Variants in STXBP5L observed in about 807,000 individuals in gnomAD.
The protein encoded by STXBP5L is syntaxin-binding protein 5-like.
In STXBP5L, 65 loss-of-function variants were observed where a neutral mutation model predicts 144.5. That is an observed-to-expected ratio of 0.45 (90% CI 0.37 to 0.55). STXBP5L has a LOEUF of 0.55. Ranked by LOEUF, STXBP5L falls within the 20% of genes least tolerant of loss-of-function variation. STXBP5L has a pLI of 0.00. For synonymous variants in STXBP5L, 505 were observed against 469.6 expected (o/e 1.08, Z -0.97); for missense variants, 1,298 against 1,405.5 (o/e 0.92, Z 1.22).
chr3:121,382,517 A>T (rs2046344227), intron 22 of STXBP5L, among the ~76,000 whole-genome samples: 1 of 152,144 alleles, frequency 6.6e-6, no homozygotes, highest in African/African-American at 2.4e-5. Flanking sequence ...GAGTCAAATC[A>T]GTGATACCAT....
intron 9 of STXBP5L, among the ~76,000 whole-genome samples, chr3:121,185,479 G>T (rs2047338573): frequency 1.3e-5 from 2 of 152,288 alleles, no homozygotes; most frequent in East Asian, 1.9e-4. Flanking sequence ...TTTGTATAAG[G>T]TGTAAGTAAG....
In STXBP5L at chr3:121,407,744, G is replaced by A. The variant is rs1219720891; in HGVS notation, c.2948+141G>A. ...TCATTATGTTTCTGGATGTTTTATT[G>A]TTCAACGATTTGATGAGAGTTTGGG... On this transcript the variant is annotated intron_variant, in intron 23 of 26. Coordinates refer to ENST00000471454, the MANE Select transcript of STXBP5L (RefSeq NM_001308330.2). 2.4e-6 allele frequency: 3 copies of A among 1,225,066 alleles called. No homozygotes were observed. The African/African-American group carries it at 4.6e-5, about 19-fold the overall frequency. 75.9% of individuals were successfully genotyped at this position (1,225,066 alleles called of 1,614,324 possible).
rs558506354 is a variant in STXBP5L, at chr3:121,288,402, T to C, written c.2110+8446T>C. 4.1e-4 allele frequency among the ~76,000 whole-genome samples: 62 copies of C among 152,356 alleles called. 1 individual carries two copies. The highest frequency in any genetic ancestry group is 1.4e-3 in the African/African-American group (57 of 41,586). On this transcript the variant is annotated intron_variant, in intron 19 of 26. Transcript: ENST00000471454. Reference sequence around the variant, plus strand: ...GAGTGATAATTCTGTTTTAAGTTCTTTGAGAAATTGCCACACTGATTTCCA... The same window carrying C: ...GAGTGATAATTCTGTTTTAAGTTCTCTGAGAAATTGCCACACTGATTTCCA...
chr3:121,379,018 C>T, intron 21 of STXBP5L, 132 bp downstream of exon 21: 4 of 940,336 alleles, frequency 4.3e-6, no homozygotes, highest in South Asian at 1.8e-5. Context: ...TACCTGAGAG[C>T]CTGATGGGGC....
intron 10 of STXBP5L, among the ~76,000 whole-genome samples, chr3:121,212,405 G>A (rs2048610820): frequency 6.6e-6 from 1 of 152,126 alleles, no homozygotes; most frequent in South Asian, 2.1e-4. Context: ...GTATAAGGAA[G>A]GGGTCCAGTT....
chr3:121,063,513 A>G (rs777277824), intron 5 of STXBP5L, among the ~76,000 whole-genome samples: 3 of 152,178 alleles, frequency 2.0e-5, no homozygotes, highest in Non-Finnish European at 4.4e-5. Flanking sequence ...CCCTTAGCAG[A>G]GCTTGAGCAC....
At chr3:120,973,742 G>A (rs1396245640) in intron 3 of STXBP5L, among the ~76,000 whole-genome samples, 1 of 146,592 alleles carries the variant, frequency 6.8e-6, no homozygotes, top group African/African-American at 2.5e-5. Flanking sequence ...CCCTTCCTGT[G>A]TCCATGTGTT....
chr3:121,191,141 G>A (rs374134386), intron 9 of STXBP5L, among the ~76,000 whole-genome samples: 48 of 152,182 alleles, frequency 3.2e-4, no homozygotes, highest in African/African-American at 9.7e-4. Flanking sequence ...ACAGGGTGGC[G>A]GCCGGGCAGA....
intron 5 of STXBP5L, among the ~76,000 whole-genome samples, chr3:121,090,541 C>G (rs994970300): frequency 2.0e-5 from 3 of 152,128 alleles, no homozygotes; most frequent in Non-Finnish European, 2.9e-5. Flanking sequence ...TGCCAGAAAT[C>G]ATGGCTTTTG....
chr3:120,977,062 C>T (rs1389402653), intron 3 of STXBP5L, among the ~76,000 whole-genome samples: 1 of 152,018 alleles, frequency 6.6e-6, no homozygotes, highest in South Asian at 2.1e-4. Context: ...CTATTAGGTC[C>T]ACTTGGTGCA....
In STXBP5L at chr3:121,138,496, G is replaced by A. The variant is rs570479527; in HGVS notation, c.670-13981G>A. On this transcript the variant is annotated intron_variant, in intron 7 of 26. Transcript: ENST00000471454. The stretch of plus-strand genomic sequence containing the variant: ...CAAAGCCGAAGGCATCACATTACCT[G>A]ACTTCAAAGTATACCACAATGCTAT... 4.6e-5 allele frequency among the ~76,000 whole-genome samples: 7 copies of A among 152,198 alleles called. No individual in the cohort carries two copies. The East Asian group carries it at 1.2e-3, about 25-fold the overall frequency.
rs111829398 is a variant in STXBP5L at position 121,018,555 on chromosome 3, A to C, written c.288-23145A>C. Among the ~76,000 whole-genome samples the C allele has an allele frequency of 2.4e-3, 364 of 150,596 alleles. 2 individuals carry two copies. Among genetic ancestry groups the C allele is most frequent in the African/African-American group, 8.3e-3 (341 of 41,112 alleles). Reference sequence around the variant, plus strand: ...AAAAAAAAAAAAAAAATGCAGACACAGTCCTTACATCTTTCACAAAAATCA... The same window carrying C: ...AAAAAAAAAAAAAAAATGCAGACACCGTCCTTACATCTTTCACAAAAATCA... On this transcript the variant is annotated intron_variant, in intron 3 of 26. Coordinates refer to ENST00000471454, the MANE Select transcript of STXBP5L (RefSeq NM_001308330.2).
At chr3:121,261,820 G>C (rs1351433787) in intron 18 of STXBP5L, among the ~76,000 whole-genome samples, 1 of 152,156 alleles carries the variant, frequency 6.6e-6, no homozygotes, top group Non-Finnish European at 1.5e-5. Context: ...TAGAGACTTT[G>C]TCTTTGAGGA....
At chr3:121,226,386 G>A (rs552761827) in intron 11 of STXBP5L, among the ~76,000 whole-genome samples, 1 of 152,260 alleles carries the variant, frequency 6.6e-6, no homozygotes, top group Admixed American at 6.5e-5. Context: ...ATTGAGGAGA[G>A]CCCCATTAGA....
At position 121,282,327 on chromosome 3, in the gene STXBP5L, T is replaced by C. The variant is rs765992060; in HGVS notation, c.2110+2371T>C. The C allele has an allele frequency of 1.2e-5, 20 of 1,611,410 alleles. No individual in the cohort carries two copies. In the Middle Eastern group the frequency reaches 4.9e-4, roughly 40 times the overall value. On this transcript the variant is annotated intron_variant, in intron 19 of 26. Transcript: ENST00000471454. ...CTGATTTAACGAAACGGATCCGTAC[T>C]TCCTATCAGAGTAAGTTATATAAAG...
chr3:121,018,036 G>C (rs9833950), intron 3 of STXBP5L, among the ~76,000 whole-genome samples: 5 of 152,186 alleles, frequency 3.3e-5, no homozygotes, highest in Admixed American at 2.0e-4. Context: ...CCACGATCAC[G>C]CCACTGCACT....
intron 15 of STXBP5L, among the ~76,000 whole-genome samples, chr3:121,254,125 G>C (rs1484787940): frequency 1.3e-5 from 2 of 152,028 alleles, no homozygotes; most frequent in Admixed American, 1.3e-4. Flanking sequence ...GTCTGGTTTT[G>C]ACTAATGTTT....
At chr3:121,361,769 C>T (rs1187223766) in intron 20 of STXBP5L, among the ~76,000 whole-genome samples, 1 of 151,916 alleles carries the variant, frequency 6.6e-6, no homozygotes, top group Non-Finnish European at 1.5e-5. Flanking sequence ...GGTCACATAT[C>T]TCTCTTTCTC....
intron 9 of STXBP5L, among the ~76,000 whole-genome samples, chr3:121,166,942 T>A (rs922420964): frequency 6.6e-6 from 1 of 151,578 alleles, no homozygotes; most frequent in Non-Finnish European, 1.5e-5. Context: ...ATAGAAGAGA[T>A]TTTTTAAGTA....
Sources: gnomAD v4.1 joint callset for allele counts (sites outside exome capture counted in the v4.1 genomes callset) on GRCh38, gnomAD v4.1.1 for gene constraint, MANE v1.5 for transcripts, NCBI Gene and HGNC (gene_info 2026-07-23, HGNC 2026-07-21) for gene names.